KAZN: variants seen among roughly 807,000 people sequenced by gnomAD.
KAZN encodes kazrin, periplakin interacting protein, also known as kazrin.
In KAZN, 40 loss-of-function variants were observed where a neutral mutation model predicts 87.4. The observed-to-expected ratio is 0.46, with a 90% CI of 0.36 to 0.60. The LOEUF (loss-of-function observed/expected upper bound fraction) is 0.60, where lower values mean the gene tolerates loss of function less well. Ranked by LOEUF, KAZN falls within the 20% of genes least tolerant of loss-of-function variation. The pLI is 0.00. For synonymous variants in KAZN, 466 were observed against 458.3 expected (o/e 1.02, Z -0.22); for missense variants, 898 against 1,073.9 (o/e 0.84, Z 2.29).
At chr1:13,956,796 G>C (rs1570383139) in intron 1 of KAZN, among the ~76,000 whole-genome samples, 1 of 152,222 alleles carries the variant, frequency 6.6e-6, no homozygotes, top group Non-Finnish European at 1.5e-5. Context: ...TGTGGGAAGA[G>C]ATTGAGGGAG....
chr1:14,964,161 TG>T (rs1664191491), intron 2 of KAZN, among the ~76,000 whole-genome samples: 1 of 152,216 alleles, frequency 6.6e-6, no homozygotes, highest in Admixed American at 6.5e-5. Context: ...ATGGGATTCC[TG>T]GGTCAAATGG....
chr1:13,898,395 T>C (rs1436785530), intron 1 of KAZN, among the ~76,000 whole-genome samples: 1 of 152,212 alleles, frequency 6.6e-6, no homozygotes, highest in Non-Finnish European at 1.5e-5. Context: ...GGGGACTTCA[T>C]CTATTGTGCC....
intron 1 of KAZN, among the ~76,000 whole-genome samples, chr1:13,969,973 T>C (rs1001056396): frequency 2.0e-5 from 3 of 152,166 alleles, no homozygotes; most frequent in Non-Finnish European, 2.9e-5. Flanking sequence ...AGTTAAGTAG[T>C]TTGCTAAAGG....
Position 15,110,549 on chromosome 1 carries a change from T to TTGTGTGTGTGTGTGTGTGTGTGTGTGTG in KAZN, c.2049-1859_2049-1858insGTGTGTGTGTGTGTGTGTGTGTGTGTGT, listed in dbSNP as rs71000365. Among the ~76,000 whole-genome samples, 76 of 148,066 alleles carry TTGTGTGTGTGTGTGTGTGTGTGTGTGTG rather than the reference T, an allele frequency of 5.1e-4. 1 individual carries two copies. The highest frequency in any genetic ancestry group is 1.9e-3 in the African/African-American group (72 of 38,900). On this transcript the variant is annotated intron_variant, in intron 13 of 14. Coordinates refer to ENST00000376030, the MANE Select transcript of KAZN (RefSeq NM_201628.3). ...TGTGTTTGTGTGTGTGCATATGTGTTTGTGTGTGTGTGTGTGTGTATCCTC... is the reference window on the plus strand; with the variant it reads ...TGTGTTTGTGTGTGTGCATATGTGTTTGTGTGTGTGTGTGTGTGTGTGTGTGTGTGTGTGTGTGTGTGTGTGTATCCTC...
intron 1 of KAZN, among the ~76,000 whole-genome samples, chr1:14,616,504 A>C (rs1678253607): frequency 6.6e-6 from 1 of 152,108 alleles, no homozygotes; most frequent in Non-Finnish European, 1.5e-5. Context: ...CAGATGCCCA[A>C]ATTAAAACAC....
chr1:13,948,019 G>A (rs1641210676), intron 1 of KAZN, among the ~76,000 whole-genome samples: 1 of 152,102 alleles, frequency 6.6e-6, no homozygotes, highest in Non-Finnish European at 1.5e-5. Flanking sequence ...CATACCAAGG[G>A]CCCACTCAGA....
At chr1:14,600,098 G>T (rs1676836467) in intron 1 of KAZN, among the ~76,000 whole-genome samples, 1 of 71,938 alleles carries the variant, frequency 1.4e-5, no homozygotes, top group Non-Finnish European at 4.1e-5. Context: ...CAGGCTTTGG[G>T]GGATTTTTTT....
Position 14,605,119 on chromosome 1 carries a change from A to G in KAZN, c.226+5896A>G, listed in dbSNP as rs185442989. 1.4e-3 allele frequency among the ~76,000 whole-genome samples: 206 copies of G among 152,288 alleles called. 1 individual carries two copies. The highest frequency in any genetic ancestry group is 2.6e-3 in the Non-Finnish European group (178 of 68,014). On this transcript the variant is annotated intron_variant, in intron 1 of 14. Transcript: ENST00000376030. Reference sequence around the variant, plus strand: ...ATACCTCACTATTATTATTCTCAGAACTTACCTTTTGGGCATGCCACAAGA... The same window carrying G: ...ATACCTCACTATTATTATTCTCAGAGCTTACCTTTTGGGCATGCCACAAGA...
At chr1:14,371,722 AG>A (rs1660498952) in intron 2 of KAZN, among the ~76,000 whole-genome samples, 1 of 152,214 alleles carries the variant, frequency 6.6e-6, no homozygotes, top group Non-Finnish European at 1.5e-5. Flanking sequence ...TGAAATGTCT[AG>A]GATGCCAAAA....
intron 1 of KAZN, among the ~76,000 whole-genome samples, chr1:14,631,759 C>T (rs1019981995): frequency 3.9e-5 from 6 of 152,260 alleles, no homozygotes; most frequent in African/African-American, 1.4e-4. Flanking sequence ...ATGAACATCC[C>T]CAGGTAGCTG....
At chr1:15,104,366 T>C (rs1162083767) in intron 13 of KAZN, among the ~76,000 whole-genome samples, 177 bp downstream of exon 13, 1 of 152,204 alleles carries the variant, frequency 6.6e-6, no homozygotes, top group African/African-American at 2.4e-5. Context: ...AGAAGCAAAG[T>C]GCTTTAGCCT....
At chr1:13,902,854 G>A (rs1639298319) in intron 1 of KAZN, among the ~76,000 whole-genome samples, 2 of 152,168 alleles carry the variant, frequency 1.3e-5, no homozygotes, top group Admixed American at 1.3e-4. Flanking sequence ...AATAAATTGA[G>A]GAAAAAGCTC....
chr1:14,853,393 C>A (rs74059615), intron 1 of KAZN, among the ~76,000 whole-genome samples: 22,115 of 152,002 alleles, frequency 0.15, 1,788 homozygotes, highest in African/African-American at 0.2. Flanking sequence ...CGTTTTTCTA[C>A]GTGGTGCACA....
intron 2 of KAZN, among the ~76,000 whole-genome samples, chr1:14,271,966 T>C (rs1376373735): frequency 6.6e-6 from 1 of 152,178 alleles, no homozygotes; most frequent in Non-Finnish European, 1.5e-5. Context: ...AGCGTGCTCA[T>C]TTGTAGACAT....
chr1:14,403,803 G>A (rs961022472), intron 2 of KAZN, among the ~76,000 whole-genome samples: 16 of 152,128 alleles, frequency 1.1e-4, no homozygotes, highest in Non-Finnish European at 2.4e-4. Context: ...AAGTGATGAA[G>A]TGGCATCATT....
chr1:15,024,922 G>A (rs148021747), intron 2 of KAZN, among the ~76,000 whole-genome samples: 1 of 152,188 alleles, frequency 6.6e-6, no homozygotes, highest in Non-Finnish European at 1.5e-5. Context: ...TCTGTCAGGA[G>A]GCACAGGGAA....
chr1:14,589,569 C>T (rs768067415), intron 2 of KAZN, among the ~76,000 whole-genome samples: 10 of 152,274 alleles, frequency 6.6e-5, no homozygotes, highest in African/African-American at 1.4e-4. Context: ...AGATTTTTCC[C>T]GGGGCACTTT....
rs550843376 is a variant in KAZN at position 14,468,904 on chromosome 1, G to T, written c.250-130079G>T. ...CATTTGCCTCTTGGTTCCAACTCAG[G>T]TCACACCCAATTTTCAGTCTTTGGC... On this transcript the variant is annotated intron_variant, in intron 2 of 16. Coordinates refer to the KAZN transcript ENST00000636203. Among the ~76,000 whole-genome samples, 21 of 152,252 alleles carry T rather than the reference G, an allele frequency of 1.4e-4. 1 individual carries two copies. The South Asian group carries it at 4.4e-3, about 32-fold the overall frequency.
intron 2 of KAZN, among the ~76,000 whole-genome samples, chr1:15,001,800 C>T (rs936587627): frequency 4.0e-5 from 6 of 149,866 alleles, no homozygotes; most frequent in East Asian, 2.0e-4. Flanking sequence ...GTCTGTTCCA[C>T]GGGTGGGTGA....
Sources: gnomAD v4.1 joint callset for allele counts (sites outside exome capture counted in the v4.1 genomes callset) on GRCh38, gnomAD v4.1.1 for gene constraint, MANE v1.5 for transcripts, NCBI Gene and HGNC (gene_info 2026-07-23, HGNC 2026-07-21) for gene names.